The following TRAPPC9 variants were observed in gnomAD, a reference collection of about 807,000 sequenced individuals.
TRAPPC9 encodes trafficking protein particle complex subunit 9, also known as IKK2 binding protein.
A neutral mutation model predicts 124.0 loss-of-function variants in TRAPPC9; 83 were observed. The ratio of observed to expected loss-of-function variants is 0.67; its 90% CI spans 0.56 to 0.80. The LOEUF is 0.80. TRAPPC9 is among the 30% of genes least tolerant of loss of function. The probability of loss-of-function intolerance (pLI) is 0.00; values close to 1 mark genes in which losing one functional copy is unlikely to be tolerated. For synonymous variants in TRAPPC9, 638 were observed against 617.5 expected, an observed-to-expected ratio of 1.03 and a Z score of -0.49; for missense variants, 1,302 against 1,508.3, an observed-to-expected ratio of 0.86 and a Z score of 2.27.
intron 17 of TRAPPC9, among the ~76,000 whole-genome samples, chr8:140,219,802 C>T (rs557716823): frequency 2.0e-4 from 30 of 152,356 alleles, no homozygotes; most frequent in African/African-American, 6.5e-4. Context: ...AGCCCTCACA[C>T]GTTCAGGACA....
At chr8:140,011,429 A>G (rs1839112509) in intron 18 of TRAPPC9, among the ~76,000 whole-genome samples, 1 of 151,678 alleles carries the variant, frequency 6.6e-6, no homozygotes, top group South Asian at 2.1e-4. Context: ...CAAATTTTTA[A>G]TAATGGGTGT....
chr8:140,007,103 A>G (rs979510678), intron 18 of TRAPPC9, among the ~76,000 whole-genome samples: 7 of 152,376 alleles, frequency 4.6e-5, no homozygotes, highest in Non-Finnish European at 7.3e-5. Context: ...AGGCGCACAC[A>G]GCAATGCTTC....
rs1331256732 is a variant in TRAPPC9 at position 140,426,616 on chromosome 8, TG to T, written c.884del (p.Pro295GlnfsTer29). 4.3e-6 allele frequency: 7 copies of T among 1,613,860 alleles called. No individual in the cohort carries two copies. Among genetic ancestry groups the T allele is most frequent in the Non-Finnish European group, 5.1e-6 (6 of 1,179,816 alleles). ...AAACTAAACACATAGATCATGTACC[TG>T]GATCAATGAGAACTTCCTGTGCCCC... is the stretch of plus-strand genomic sequence containing the variant. ...RPGAQEVLIDPGALTTNGINP... is the reference protein window; with the variant it reads ...RPGAQEVLIDXGALTTNGINP... On this transcript the variant is annotated frameshift_variant and splice_region_variant, in exon 5 of 23. Transcript: ENST00000438773. LOFTEE classifies it high-confidence loss of function.
chr8:140,178,943 A>C (rs2062135923), intron 17 of TRAPPC9, among the ~76,000 whole-genome samples: 1 of 152,128 alleles, frequency 6.6e-6, no homozygotes, highest in Admixed American at 6.5e-5. Context: ...TGTCTGTAGG[A>C]AAGACTGATG....
In TRAPPC9 at chr8:139,799,267, T is replaced by C. The variant is rs544461746; in HGVS notation, c.3056-67065A>G. 9.2e-5 allele frequency among the ~76,000 whole-genome samples: 14 copies of C among 152,244 alleles called. No individual in the cohort carries two copies. The South Asian group carries it at 2.9e-3, about 32-fold the overall frequency. On this transcript the variant is annotated intron_variant, in intron 21 of 22. Coordinates refer to ENST00000438773, the MANE Select transcript of TRAPPC9 (RefSeq NM_001160372.4). ...AATGGACTAATACATAGCCCACCCA[T>C]GTAATCCGGGATAATCCACCCATCC...
At chr8:140,272,981 T>C (rs2065005424) in intron 15 of TRAPPC9, among the ~76,000 whole-genome samples, 1 of 152,030 alleles carries the variant, frequency 6.6e-6, no homozygotes, top group Non-Finnish European at 1.5e-5. Flanking sequence ...AGTGCTTACA[T>C]GCCAAGCACT....
intron 17 of TRAPPC9, among the ~76,000 whole-genome samples, chr8:140,137,281 G>A (rs1270869689): frequency 3.3e-5 from 5 of 152,228 alleles, no homozygotes; most frequent in East Asian, 1.9e-4. Flanking sequence ...GGCTGCCAGC[G>A]ACTCCAAAGC....
intron 15 of TRAPPC9, among the ~76,000 whole-genome samples, chr8:140,268,048 G>A (rs907090006): frequency 1.3e-5 from 2 of 151,972 alleles, no homozygotes; most frequent in Non-Finnish European, 2.9e-5. Flanking sequence ...CAAAGAAGGG[G>A]GTTTTTCATC....
chr8:140,068,954 A>C (rs1353171861), intron 17 of TRAPPC9, among the ~76,000 whole-genome samples: 1 of 152,190 alleles, frequency 6.6e-6, no homozygotes, highest in African/African-American at 2.4e-5. Context: ...AAAAAACACA[A>C]GAAGGAAAAG....
chr8:140,292,731 C>G (rs558426354), intron 11 of TRAPPC9, among the ~76,000 whole-genome samples: 1 of 150,580 alleles, frequency 6.6e-6, no homozygotes, highest in South Asian at 2.1e-4. Context: ...GGATTAAAGA[C>G]TTAAACGTTA....
chr8:140,275,570 A>G, intron 15 of TRAPPC9, 88 bp downstream of exon 15: 1 of 1,464,812 alleles, frequency 6.8e-7, no homozygotes, highest in South Asian at 1.2e-5. Context: ...AAGTTTTTAG[A>G]TTCTCTGAAA....
intron 21 of TRAPPC9, among the ~76,000 whole-genome samples, chr8:139,754,695 C>T (rs1264507757): frequency 6.6e-6 from 1 of 152,240 alleles, no homozygotes; most frequent in South Asian, 2.1e-4. Flanking sequence ...TCCTTCCCAC[C>T]GTGCTGACCT....
chr8:140,341,131 A>C (rs2067183948), intron 9 of TRAPPC9, among the ~76,000 whole-genome samples: 1 of 152,212 alleles, frequency 6.6e-6, no homozygotes, highest in Non-Finnish European at 1.5e-5. Flanking sequence ...TTAAAAACAC[A>C]AAAAGACTAC....
At chr8:140,295,195 G>A (rs1393398940) in intron 11 of TRAPPC9, among the ~76,000 whole-genome samples, 1 of 152,142 alleles carries the variant, frequency 6.6e-6, no homozygotes, top group East Asian at 1.9e-4. Flanking sequence ...AAAGACTCCT[G>A]ATTTATCAAT....
rs556319278 is a variant in TRAPPC9 at position 140,361,818 on chromosome 8, G to A, written c.1352-1625C>T. ...TACTTACTATTGCATCCCCAGGACA[G>A]GGCCTGACGTGAGACTGGGCGCTCG... is the stretch of plus-strand genomic sequence containing the variant. On this transcript the variant is annotated intron_variant, in intron 8 of 22. Transcript: ENST00000438773. 1.1e-4 allele frequency among the ~76,000 whole-genome samples: 17 copies of A among 152,308 alleles called. No homozygotes were observed. In the East Asian group the frequency reaches 3.3e-3, roughly 29 times the overall value.
At chr8:140,125,141 C>G (rs1380222175) in intron 17 of TRAPPC9, among the ~76,000 whole-genome samples, 1 of 152,304 alleles carries the variant, frequency 6.6e-6, no homozygotes, top group South Asian at 2.1e-4. Context: ...GGAGCTGGGC[C>G]GATGGTGATG....
At chr8:140,133,102 A>T (rs1367559409) in intron 17 of TRAPPC9, among the ~76,000 whole-genome samples, 2 of 152,260 alleles carry the variant, frequency 1.3e-5, no homozygotes, top group Non-Finnish European at 2.9e-5. Flanking sequence ...AGCCAAAGAC[A>T]TCAGAAGAAA....
chr8:139,909,497 C>T (rs932516217), intron 20 of TRAPPC9, among the ~76,000 whole-genome samples: 1 of 152,206 alleles, frequency 6.6e-6, no homozygotes, highest in Non-Finnish European at 1.5e-5. Context: ...CTTGTCTTTG[C>T]ATCTCAGCCT....
At chr8:140,383,391 T>G (rs117208833) in intron 7 of TRAPPC9, among the ~76,000 whole-genome samples, 1 of 152,072 alleles carries the variant, frequency 6.6e-6, no homozygotes, top group Non-Finnish European at 1.5e-5. Context: ...TTCGAACCCA[T>G]TGCAAAGAAC....
Sources: gnomAD v4.1 joint callset for allele counts (sites outside exome capture counted in the v4.1 genomes callset) on GRCh38, gnomAD v4.1.1 for gene constraint, MANE v1.5 for transcripts, NCBI Gene and HGNC (gene_info 2026-07-23, HGNC 2026-07-21) for gene names.